IQCM: variants seen among roughly 807,000 people sequenced by gnomAD.
IQCM encodes IQ domain-containing protein M.
A neutral mutation model predicts 57.6 loss-of-function variants in IQCM; 45 were observed. The observed-to-expected ratio is 0.78, with a 90% CI of 0.62 to 1.00. IQCM has a LOEUF of 1.00. Ranked by LOEUF, IQCM falls within the 50% of genes least tolerant of loss-of-function variation. IQCM has a pLI of 0.00. For synonymous variants in IQCM, 148 were observed against 158.9 expected, an observed-to-expected ratio of 0.93 and a Z score of 0.51; for missense variants, 468 against 511.6, an observed-to-expected ratio of 0.91 and a Z score of 0.82.
At chr4:149,416,304 C>T (rs1486727385) in intron 13 of IQCM, among the ~76,000 whole-genome samples, 2 of 151,944 alleles carry the variant, frequency 1.3e-5, no homozygotes, top group Non-Finnish European at 2.9e-5. Flanking sequence ...TAATATATTC[C>T]TGAGAAAATA....
At chr4:149,569,823 T>C (rs77270000) in intron 9 of IQCM, among the ~76,000 whole-genome samples, 2 of 152,140 alleles carry the variant, frequency 1.3e-5, no homozygotes, top group East Asian at 3.9e-4. Flanking sequence ...GTAATCTGCT[T>C]AAACCAAGAT....
chr4:149,611,070 CAGA>C (rs1257709784), intron 8 of IQCM, among the ~76,000 whole-genome samples: 3 of 151,968 alleles, frequency 2.0e-5, no homozygotes, highest in Non-Finnish European at 4.4e-5. Flanking sequence ...AGACATTTCT[CAGA>C]AGAAGACATA....
At chr4:149,579,090 G>C (rs1751930071) in intron 9 of IQCM, among the ~76,000 whole-genome samples, 1 of 151,784 alleles carries the variant, frequency 6.6e-6, no homozygotes, top group Non-Finnish European at 1.5e-5. Flanking sequence ...TGTGTGTTCT[G>C]TCTCTCTATT....
At chr4:149,661,885 A>C (rs1407191685) in intron 7 of IQCM, among the ~76,000 whole-genome samples, 1 of 152,058 alleles carries the variant, frequency 6.6e-6, no homozygotes, top group South Asian at 2.1e-4. Flanking sequence ...TATGTTTCTT[A>C]AAAAAGTTCT....
chr4:149,417,389 C>A (rs1032390535), intron 13 of IQCM, among the ~76,000 whole-genome samples: 2 of 152,022 alleles, frequency 1.3e-5, no homozygotes, highest in African/African-American at 4.8e-5. Flanking sequence ...CATGTCAGAT[C>A]GGAAGTGAAG....
intron 8 of IQCM, among the ~76,000 whole-genome samples, chr4:149,620,722 A>G (rs1756256392): frequency 6.6e-6 from 1 of 152,162 alleles, no homozygotes. Flanking sequence ...GTGGTCATAA[A>G]ATTGCCCTTG....
chr4:149,567,190 A>T (rs975491116), intron 9 of IQCM, among the ~76,000 whole-genome samples: 2 of 152,042 alleles, frequency 1.3e-5, no homozygotes, highest in African/African-American at 4.8e-5. Flanking sequence ...ACTTATTTGC[A>T]AAGTTTGGTA....
At chr4:149,732,528 G>A (rs1190937900) in intron 5 of IQCM, among the ~76,000 whole-genome samples, 1 of 152,098 alleles carries the variant, frequency 6.6e-6, no homozygotes, top group East Asian at 1.9e-4. Context: ...ATTACTCTCT[G>A]AGCCTTTTAA....
chr4:149,383,703 C>T (rs1311115909), intron 13 of IQCM, among the ~76,000 whole-genome samples: 1 of 152,078 alleles, frequency 6.6e-6, no homozygotes, highest in African/African-American at 2.4e-5. Context: ...TCTGTAATCC[C>T]AGCACTTTGG....
chr4:149,460,298 T>C (rs977265120), intron 12 of IQCM, among the ~76,000 whole-genome samples: 1 of 152,220 alleles, frequency 6.6e-6, no homozygotes, highest in Non-Finnish European at 1.5e-5. Context: ...TAGAGTTCTC[T>C]GTATTCTAGA....
intron 13 of IQCM, among the ~76,000 whole-genome samples, chr4:149,394,386 T>C (rs987319773): frequency 6.6e-6 from 1 of 152,066 alleles, no homozygotes; most frequent in Non-Finnish European, 1.5e-5. Context: ...TAAAAATCTG[T>C]TGTGTACTTC....
intron 2 of IQCM, among the ~76,000 whole-genome samples, chr4:149,761,064 G>T (rs1390762426): frequency 1.3e-5 from 2 of 151,962 alleles, no homozygotes; most frequent in Admixed American, 6.6e-5. Flanking sequence ...ATAAAGGGGG[G>T]ACCACTACTA....
At chr4:149,668,675 G>A (rs1760963183) in intron 7 of IQCM, among the ~76,000 whole-genome samples, 1 of 152,038 alleles carries the variant, frequency 6.6e-6, no homozygotes, top group Admixed American at 6.6e-5. Flanking sequence ...AAAAGAAAAT[G>A]TGAATTATTA....
intron 13 of IQCM, among the ~76,000 whole-genome samples, chr4:149,373,636 T>C (rs1730513472): frequency 1.3e-5 from 2 of 152,128 alleles, no homozygotes; most frequent in African/African-American, 2.4e-5. Flanking sequence ...GTGTATTTTA[T>C]ACAAATTTTT....
At chr4:149,782,653 C>G (rs760382286) in intron 2 of IQCM, among the ~76,000 whole-genome samples, 10 of 145,068 alleles carry the variant, frequency 6.9e-5, no homozygotes, top group Non-Finnish European at 1.4e-4. Flanking sequence ...CAATAAGATT[C>G]AAAAGAAAAA....
chr4:149,509,336 GAC>G (rs1744166932), intron 12 of IQCM, among the ~76,000 whole-genome samples: 1 of 151,900 alleles, frequency 6.6e-6, no homozygotes, highest in Non-Finnish European at 1.5e-5. Context: ...GGGGTGCAGT[GAC>G]ACAACCATAG....
chr4:149,748,127 G>A (rs1048561500), intron 2 of IQCM, among the ~76,000 whole-genome samples: 3 of 152,162 alleles, frequency 2.0e-5, no homozygotes, highest in Non-Finnish European at 2.9e-5. Flanking sequence ...AATAACAGGT[G>A]GAAAGCCTGG....
At chr4:149,760,124 G>C (rs1291527007) in intron 2 of IQCM, among the ~76,000 whole-genome samples, 3 of 151,848 alleles carry the variant, frequency 2.0e-5, no homozygotes, top group Non-Finnish European at 2.9e-5. Flanking sequence ...TAGGGTACTG[G>C]GTGGACAAAA....
chr4:149,364,653 G>C (rs980419242), intron 13 of IQCM, among the ~76,000 whole-genome samples: 4 of 152,066 alleles, frequency 2.6e-5, no homozygotes, highest in African/African-American at 9.7e-5. Context: ...CCCAGTCACA[G>C]AGTAAGAAAG....
Sources: gnomAD v4.1 joint callset for allele counts (sites outside exome capture counted in the v4.1 genomes callset) on GRCh38, gnomAD v4.1.1 for gene constraint, MANE v1.5 for transcripts, NCBI Gene and HGNC (gene_info 2026-07-23, HGNC 2026-07-21) for gene names.